CALCRL: variants seen among roughly 807,000 people sequenced by gnomAD.
The protein encoded by CALCRL is calcitonin receptor like receptor, also known as calcitonin gene-related peptide type 1 receptor.
In CALCRL, 27 loss-of-function variants were observed where a neutral mutation model predicts 60.4. The observed-to-expected ratio is 0.45, with a 90% CI of 0.33 to 0.62. The LOEUF (loss-of-function observed/expected upper bound fraction) is 0.62, where lower values mean the gene tolerates loss of function less well. Among genes scored for constraint, CALCRL ranks in the 20% least tolerant of loss-of-function variants. CALCRL has a pLI of 0.03. For missense variants in CALCRL, 424 were observed against 540.7 expected, an observed-to-expected ratio of 0.78 and a Z score of 2.14; for synonymous variants, 190 against 182.6, an observed-to-expected ratio of 1.04 and a Z score of -0.33.
intron 9 of CALCRL, 142 bp from the exon 10 acceptor site, chr2:187,360,893 C>T: frequency 1.5e-6 from 1 of 656,232 alleles, no homozygotes; most frequent in Admixed American, 3.7e-5. Flanking sequence ...TTGTGGAATG[C>T]CAGTCTTCGT....
At chr2:187,367,089 G>A (rs1397119953) in intron 8 of CALCRL, among the ~76,000 whole-genome samples, 3 of 152,004 alleles carry the variant, frequency 2.0e-5, no homozygotes, top group African/African-American at 7.2e-5. Context: ...TTTACTGAAT[G>A]TTTAATACCA....
intron 1 of CALCRL, among the ~76,000 whole-genome samples, chr2:187,430,919 CA>C (rs1331625287): frequency 6.6e-6 from 1 of 151,866 alleles, no homozygotes; most frequent in Admixed American, 6.6e-5. Context: ...ATGTTTTATA[CA>C]GTATATATAC....
intron 1 of CALCRL, among the ~76,000 whole-genome samples, chr2:187,398,324 C>T (rs1688743788): frequency 6.6e-6 from 1 of 151,510 alleles, no homozygotes. Context: ...TTTTTCCCAC[C>T]AACAATAAAA....
Position 187,359,094 on chromosome 2 carries a change from A to G in CALCRL, c.878T>C (p.Ile293Thr). 6.2e-7 allele frequency: 1 copy of G among 1,613,370 alleles called. No homozygotes were observed. The highest frequency in any genetic ancestry group is 8.5e-7 in the Non-Finnish European group (1 of 1,179,422). ...WISSDTHLLY[I>T]IHGPICAALL... ...AGCAGCACAAATTGGGCCATGGATA[A>G]TGTAGAGGAGATGGGTATCAGAACT... The change falls in exon 12 of 15, where the codon ATT (isoleucine) becomes ACT (threonine). Residue 293 changes from isoleucine to threonine, a missense_variant. Ile to Thr is a moderately conservative substitution (Grantham distance 89). Transcript: ENST00000392370.
chr2:187,386,451 A>G (rs1213649424), intron 3 of CALCRL, among the ~76,000 whole-genome samples: 4 of 152,164 alleles, frequency 2.6e-5, no homozygotes, highest in African/African-American at 9.7e-5. Context: ...AAATTAGGAA[A>G]TAAAAGATTC....
intron 1 of CALCRL, among the ~76,000 whole-genome samples, chr2:187,416,462 A>G (rs1689611055): frequency 6.6e-6 from 1 of 152,148 alleles, no homozygotes; most frequent in Non-Finnish European, 1.5e-5. Context: ...CTTACACCTA[A>G]ATAAAACTTA....
rs1266456358 is a variant in CALCRL, at chr2:187,342,957, A to T, written c.*3227T>A. Among the ~76,000 whole-genome samples, 3 of 151,552 alleles carry T rather than the reference A, an allele frequency of 2.0e-5. No homozygotes were observed. The highest frequency in any genetic ancestry group is 4.4e-5 in the Non-Finnish European group (3 of 67,610). On this transcript the variant is annotated 3_prime_UTR_variant, in exon 15 of 15. Transcript: ENST00000392370. ...CTTTAAATACTTATTTTTCTTTCTA[A>T]TATTTAAACAAAACTACAAAATGAA... is the stretch of plus-strand genomic sequence containing the variant.
intron 1 of CALCRL, among the ~76,000 whole-genome samples, chr2:187,447,599 A>T (rs1691251387): frequency 6.6e-6 from 1 of 152,118 alleles, no homozygotes. Flanking sequence ...AGAGTAAGTG[A>T]GACTCCGAGA....
chr2:187,433,681 A>G (rs561244534), intron 1 of CALCRL, among the ~76,000 whole-genome samples: 37 of 152,098 alleles, frequency 2.4e-4, no homozygotes, highest in Non-Finnish European at 5.2e-4. Context: ...CAGAAAAGAA[A>G]TACAGCAAAT....
At chr2:187,366,777 A>C (rs1474510332) in intron 8 of CALCRL, among the ~76,000 whole-genome samples, 3 of 152,024 alleles carry the variant, frequency 2.0e-5, no homozygotes, top group African/African-American at 7.2e-5. Flanking sequence ...AATGTCCTCT[A>C]TGATGGTCTA....
chr2:187,406,648 T>C (rs1374121587), intron 1 of CALCRL, among the ~76,000 whole-genome samples: 1 of 152,064 alleles, frequency 6.6e-6, no homozygotes, highest in Non-Finnish European at 1.5e-5. Flanking sequence ...GGTAATGCTG[T>C]GGTTGGTACT....
intron 8 of CALCRL, among the ~76,000 whole-genome samples, chr2:187,368,097 G>T (rs1412317192): frequency 6.6e-6 from 1 of 151,994 alleles, no homozygotes; most frequent in African/African-American, 2.4e-5. Flanking sequence ...TTAAGATCTT[G>T]AATCTTTAAT....
chr2:187,380,337 C>T, intron 7 of CALCRL, 130 bp downstream of exon 7: 1 of 549,524 alleles, frequency 1.8e-6, no homozygotes, highest in Non-Finnish European at 3.2e-6. Context: ...TTATTCTTCT[C>T]AAATTATATT....
intron 1 of CALCRL, among the ~76,000 whole-genome samples, chr2:187,402,641 A>G (rs1473815027): frequency 6.6e-6 from 1 of 151,696 alleles, no homozygotes; most frequent in Non-Finnish European, 1.5e-5. Flanking sequence ...CATTTTGAAT[A>G]TCTACTCTGA....
In CALCRL at chr2:187,363,392, A is replaced by G; in HGVS notation, c.611T>C (p.Leu204Ser). The G allele has an allele frequency of 6.2e-7, 1 of 1,610,988 alleles. No homozygotes were observed. Among genetic ancestry groups the G allele is most frequent in the Non-Finnish European group, 8.5e-7 (1 of 1,178,588 alleles). ...TTTACTTACAGGATTTGTGGCTACT[A>G]AGGCCTGGTTGTTGGCCACTGCAGT... Reference protein sequence around the residue: ...HLTAVANNQALVATNPVSCKV... With the variant: ...HLTAVANNQASVATNPVSCKV... The change falls in exon 9 of 15, where the codon TTA (leucine) becomes TCA (serine). Residue 204 changes from leucine (L) to serine (S), a missense_variant. By Grantham distance (145) the Leu-to-Ser change is moderately radical. Around this residue, in one of 7 missense-constraint regions of CALCRL, gnomAD observed 43 missense variants for 40.9 expected, o/e 1.05. Coordinates refer to ENST00000392370, the MANE Select transcript of CALCRL (RefSeq NM_005795.6).
intron 14 of CALCRL, among the ~76,000 whole-genome samples, chr2:187,346,699 A>C (rs1686291297): frequency 6.6e-6 from 1 of 151,662 alleles, no homozygotes; most frequent in African/African-American, 2.4e-5. Flanking sequence ...CAAATAGGTA[A>C]TCTGGACCCC....
intron 12 of CALCRL, among the ~76,000 whole-genome samples, chr2:187,354,129 GT>G (rs1686663007): frequency 6.6e-6 from 1 of 151,942 alleles, no homozygotes; most frequent in African/African-American, 2.4e-5. Context: ...GAAGAACTAT[GT>G]CTGAATTTCA....
chr2:187,386,130 T>TAG (rs1559054882), intron 3 of CALCRL, among the ~76,000 whole-genome samples: 1 of 51,788 alleles, frequency 1.9e-5, no homozygotes, highest in African/African-American at 7.7e-5. Flanking sequence ...AAAAACTTCT[T>TAG]ATAGATAGAT....
chr2:187,437,164 C>T (rs1338842940), intron 1 of CALCRL, among the ~76,000 whole-genome samples: 1 of 152,154 alleles, frequency 6.6e-6, no homozygotes, highest in African/African-American at 2.4e-5. Flanking sequence ...AAATGCATTG[C>T]TCTGGATTTA....
Sources: gnomAD v4.1 joint callset for allele counts (sites outside exome capture counted in the v4.1 genomes callset) on GRCh38, gnomAD v4.1.1 for gene constraint, gnomAD v4.1.1 regional missense constraint, MANE v1.5 for transcripts, NCBI Gene and HGNC (gene_info 2026-07-23, HGNC 2026-07-21) for gene names.